FARP1: variants seen among roughly 807,000 people sequenced by gnomAD.
The protein encoded by FARP1 is FERM, ARH/RhoGEF and pleckstrin domain protein 1, also known as FERM, ARHGEF and pleckstrin domain-containing protein 1.
In FARP1, 52 loss-of-function variants were observed where a neutral mutation model predicts 128.8. The observed-to-expected ratio is 0.40, with a 90% CI of 0.32 to 0.51. FARP1 has a LOEUF of 0.51. Among genes scored for constraint, FARP1 ranks in the 20% least tolerant of loss-of-function variants. FARP1 has a pLI of 0.45. For missense variants in FARP1, 1,333 were observed against 1,367.9 expected, an observed-to-expected ratio of 0.97 and a Z score of 0.40; for synonymous variants, 580 against 551.8, an observed-to-expected ratio of 1.05 and a Z score of -0.72.
chr13:98,176,613 C>T lies in FARP1; in HGVS notation c.-24+33121C>T. On this transcript the variant is annotated intron_variant, in intron 1 of 26. Coordinates refer to ENST00000319562, the MANE Select transcript of FARP1 (RefSeq NM_005766.4). This position sits in a 1 kb window ranked among gnomAD's most constrained non-coding sequence, Gnocchi z 6.2. ...GGTCGTGGAGGAATTTGCAGCTGTC[C>T]CCGAAGCCACAGAAGCCAGTCTCCT... 6.2e-7 allele frequency: 1 copy of T among 1,614,198 alleles called. No individual in the cohort carries two copies. The highest frequency in any genetic ancestry group is 8.5e-7 in the Non-Finnish European group (1 of 1,180,042).
Position 98,454,120 on chromosome 13 carries a change from C to T in FARP1, c.*5803C>T, listed in dbSNP as rs2139233929. 6.6e-6 allele frequency: 1 copy of T among 152,252 alleles called. No individual in the cohort carries two copies. The highest frequency in any genetic ancestry group is 1.9e-4 in the East Asian group (1 of 5,194). 9.4% of individuals were successfully genotyped at this position (152,252 alleles called of 1,614,324 possible). On this transcript the variant is annotated 3_prime_UTR_variant, in exon 27 of 27. Transcript: ENST00000319562. ...TCCTAAATTAAGTACTATAGAAATT[C>T]TAAAAAATCTTCTTTGCACTATAAG...
chr13:98,368,929 C>CTTT (rs58962751), intron 5 of FARP1, among the ~76,000 whole-genome samples: 3 of 141,144 alleles, frequency 2.1e-5, no homozygotes, highest in Non-Finnish European at 4.6e-5. Flanking sequence ...TTATATATAC[C>CTTT]TTTTTTTTTT....
At chr13:98,205,763 A>G (rs749654806) in intron 1 of FARP1, among the ~76,000 whole-genome samples, 2 of 152,072 alleles carry the variant, frequency 1.3e-5, no homozygotes, top group Non-Finnish European at 2.9e-5. Context: ...TATTTTCACC[A>G]GTGCATATTT....
chr13:98,308,495 C>T (rs1886293925), intron 2 of FARP1, among the ~76,000 whole-genome samples: 1 of 152,116 alleles, frequency 6.6e-6, no homozygotes, highest in Non-Finnish European at 1.5e-5. Flanking sequence ...AGCCGCTGTC[C>T]AGGACAGCCT....
At chr13:98,218,123 TC>T in intron 2 of FARP1, among the ~76,000 whole-genome samples, 1 of 140,648 alleles carries the variant, frequency 7.1e-6, no homozygotes, top group African/African-American at 2.7e-5. Flanking sequence ...GGCCCGGCCC[TC>T]CCCCACCCCA....
Position 98,453,421 on chromosome 13 carries a change from C to A in FARP1, c.*5104C>A, listed in dbSNP as rs962639434. ...CTTACACAAAAACTCCAGAGCATGTCACCAAAAACCAAGAATGGGTTCAGC... is the reference window on the plus strand; with the variant it reads ...CTTACACAAAAACTCCAGAGCATGTAACCAAAAACCAAGAATGGGTTCAGC... On this transcript the variant is annotated 3_prime_UTR_variant, in exon 27 of 27. Transcript: ENST00000319562. The A allele has an allele frequency of 2.3e-5, 13 of 561,186 alleles. No individual in the cohort carries two copies. Among genetic ancestry groups the A allele is most frequent in the African/African-American group, 1.9e-4 (10 of 51,910 alleles). The allele number at this position is 561,186 out of a possible 1,614,324, so 34.8% of individuals were successfully genotyped here.
chr13:98,375,708 A>C (rs1189951807), intron 5 of FARP1, among the ~76,000 whole-genome samples: 1 of 152,028 alleles, frequency 6.6e-6, no homozygotes, highest in Non-Finnish European at 1.5e-5. Context: ...GGCTCACTGC[A>C]ACCTCCACCT....
chr13:98,186,991 CA>C (rs33992037), intron 1 of FARP1, among the ~76,000 whole-genome samples: 4,699 of 47,262 alleles, frequency 0.099, 22 homozygotes, highest in East Asian at 0.39. Flanking sequence ...GATTCTGTCT[CA>C]AAAAAAAAAA....
chr13:98,194,229 G>GC (rs1879426898), intron 1 of FARP1, among the ~76,000 whole-genome samples: 2 of 152,074 alleles, frequency 1.3e-5, no homozygotes, highest in Non-Finnish European at 2.9e-5. Context: ...CGATTCTCCT[G>GC]CCTCAGCCTC....
intron 19 of FARP1, among the ~76,000 whole-genome samples, chr13:98,436,553 T>C (rs1465883641): frequency 1.3e-5 from 2 of 152,232 alleles, no homozygotes; most frequent in African/African-American, 4.8e-5. Context: ...TTTAGTCTTT[T>C]TCCAACAAGC....
chr13:98,448,301 A>T lies in FARP1; in HGVS notation c.3122A>T (p.Glu1041Val). Residue 1041 changes from glutamate to valine, a missense_variant, in exon 27 of 27, where the codon GAG (glutamate) becomes GTG (valine). Coordinates refer to ENST00000319562, the MANE Select transcript of FARP1 (RefSeq NM_005766.4). ...ASRPHVLSHK[E>V]SLVY Reference sequence around the variant, plus strand: ...CGACCCCACGTGTTGAGTCACAAAGAGTCTCTTGTGTATTGATGGCCGGAC... The same window carrying T: ...CGACCCCACGTGTTGAGTCACAAAGTGTCTCTTGTGTATTGATGGCCGGAC... 1 of 1,613,348 alleles carries T rather than the reference A, an allele frequency of 6.2e-7. No individual in the cohort carries two copies.
At chr13:98,320,351 C>T (rs539569632) in intron 2 of FARP1, among the ~76,000 whole-genome samples, 38 of 152,296 alleles carry the variant, frequency 2.5e-4, no homozygotes, top group African/African-American at 8.9e-4. Context: ...GCCAGGTATT[C>T]GTACTATTAT....
intron 2 of FARP1, among the ~76,000 whole-genome samples, chr13:98,267,888 C>T (rs1884202842): frequency 6.6e-6 from 1 of 152,190 alleles, no homozygotes; most frequent in Admixed American, 6.5e-5. Context: ...AGGTGGGGCT[C>T]CCTCAGGGGC....
intron 3 of FARP1, among the ~76,000 whole-genome samples, chr13:98,361,662 G>C (rs886461172): frequency 1.3e-5 from 2 of 152,178 alleles, no homozygotes; most frequent in Admixed American, 6.5e-5. Flanking sequence ...GATTTTACAA[G>C]GGAAACAGAA....
At chr13:98,362,866 C>T (rs1166940718) in intron 3 of FARP1, among the ~76,000 whole-genome samples, 3 of 152,216 alleles carry the variant, frequency 2.0e-5, no homozygotes, top group Non-Finnish European at 4.4e-5. Context: ...AGTGTTATTC[C>T]GGTTATTGTC....
chr13:98,343,638 G>T, intron 2 of FARP1, 124 bp from the exon 3 acceptor site: 1 of 704,922 alleles, frequency 1.4e-6, no homozygotes, highest in Non-Finnish European at 2.5e-6. Flanking sequence ...TCACGGAGGT[G>T]GGCGGTGGCA....
chr13:98,179,403 A>G (rs1402624466), intron 1 of FARP1, among the ~76,000 whole-genome samples: 3 of 152,224 alleles, frequency 2.0e-5, no homozygotes, highest in Non-Finnish European at 2.9e-5. Context: ...GGGTGGGGAC[A>G]TAGCCAAACC....
At chr13:98,288,172 A>G (rs1885286008) in intron 2 of FARP1, among the ~76,000 whole-genome samples, 2 of 152,192 alleles carry the variant, frequency 1.3e-5, no homozygotes, top group South Asian at 4.2e-4. Context: ...CATGGAGCTT[A>G]GGGTCGCTGG....
At position 98,409,330 on chromosome 13, in the gene FARP1, C is replaced by G. The variant is rs997189732; in HGVS notation, c.1415-8C>G. 1.9e-6 allele frequency: 3 copies of G among 1,590,778 alleles called. No homozygotes were observed. Among genetic ancestry groups the G allele is most frequent in the Non-Finnish European group, 2.6e-6 (3 of 1,164,852 alleles). ...TTTTTTTCTTTAAAACTTCTCATCCCCAAACAGGCTCCCTGACTGGCAGTC... is the reference window on the plus strand; with the variant it reads ...TTTTTTTCTTTAAAACTTCTCATCCGCAAACAGGCTCCCTGACTGGCAGTC... On this transcript the variant is annotated splice_polypyrimidine_tract_variant and splice_region_variant and intron_variant, in intron 13 of 26. Coordinates refer to ENST00000319562, the MANE Select transcript of FARP1 (RefSeq NM_005766.4).
Sources: gnomAD v4.1 joint callset for allele counts (sites outside exome capture counted in the v4.1 genomes callset) on GRCh38, gnomAD v4.1.1 for gene constraint, Gnocchi (gnomAD v3.1) non-coding constraint, MANE v1.5 for transcripts, NCBI Gene and HGNC (gene_info 2026-07-23, HGNC 2026-07-21) for gene names.